Variants in APBB1IP observed in about 807,000 individuals in gnomAD.
APBB1IP encodes the protein amyloid beta precursor protein binding family B member 1 interacting protein.
A neutral mutation model predicts 64.9 loss-of-function variants in APBB1IP; 27 were observed. That is an observed-to-expected ratio of 0.42 (90% CI 0.31 to 0.57). The LOEUF is 0.57. APBB1IP is among the 20% of genes least tolerant of loss of function. The pLI is 0.20. For synonymous variants in APBB1IP, 392 were observed against 331.0 expected, an observed-to-expected ratio of 1.18 and a Z score of -2.00; for missense variants, 812 against 845.5, an observed-to-expected ratio of 0.96 and a Z score of 0.49.
Position 26,517,469 on chromosome 10 carries a change from C to CGCTCTGTTGCCCAGCCAGATCTT in APBB1IP, c.813+3812_813+3834dup, listed in dbSNP as rs1836346619. ...CTTCTTTCTTTTTGAGACAGGGTCT[C>CGCTCTGTTGCCCAGCCAGATCTT]GCTCTGTTGCCCAGCCAGATCTTGC... On this transcript the variant is annotated intron_variant, in intron 8 of 14. Coordinates refer to ENST00000376236, the MANE Select transcript of APBB1IP (RefSeq NM_019043.4). 4.6e-5 allele frequency among the ~76,000 whole-genome samples: 7 copies of CGCTCTGTTGCCCAGCCAGATCTT among 152,350 alleles called. No individual in the cohort carries two copies. In the South Asian group the frequency reaches 1.5e-3, roughly 32 times the overall value.
chr10:26,555,445 G>A (rs560250911), intron 11 of APBB1IP, among the ~76,000 whole-genome samples: 1 of 152,064 alleles, frequency 6.6e-6, no homozygotes, highest in East Asian at 1.9e-4. Context: ...CCCTCTCTTG[G>A]CCCATTTTCA....
chr10:26,477,681 G>A (rs940398046), intron 2 of APBB1IP, among the ~76,000 whole-genome samples: 1 of 152,154 alleles, frequency 6.6e-6, no homozygotes, highest in African/African-American at 2.4e-5. Context: ...AAACACAAAG[G>A]CGAATAACAC....
At chr10:26,543,094 G>T (rs1396757833) in intron 11 of APBB1IP, among the ~76,000 whole-genome samples, 1 of 151,272 alleles carries the variant, frequency 6.6e-6, no homozygotes, top group Non-Finnish European at 1.5e-5. Flanking sequence ...AAGAGCCCCA[G>T]AATAATGACT....
rs1023148405 is a variant in APBB1IP at position 26,560,830 on chromosome 10, C to T, written c.1355C>T (p.Ala452Val). The change falls in exon 13 of 15, where the codon GCT becomes GTT. Residue 452 changes from alanine to valine, a missense_variant. By Grantham distance (64) the Ala-to-Val change is moderately conservative. Coordinates refer to ENST00000376236, the MANE Select transcript of APBB1IP (RefSeq NM_019043.4). ...NLGTVNAAAP[A>V]QPSTGPKTGT... is the part of the protein sequence containing the mutation. The stretch of plus-strand genomic sequence containing the variant: ...GGGACAGTCAATGCAGCTGCACCAG[C>T]TCAGCCATCTACAGGTACTAAGTGG... 1 of 1,597,146 alleles carries T rather than the reference C, an allele frequency of 6.3e-7. No homozygotes were observed. Among genetic ancestry groups the T allele is most frequent in the African/African-American group, 1.4e-5 (1 of 73,668 alleles).
At chr10:26,535,997 G>T in intron 9 of APBB1IP, 77 bp from the exon 10 acceptor site, 2 of 1,448,878 alleles carry the variant, frequency 1.4e-6, no homozygotes, top group Non-Finnish European at 1.9e-6. Context: ...AAGCTAATTT[G>T]TAAGTTTTTA....
chr10:26,454,837 C>T (rs185973587), intron 2 of APBB1IP, among the ~76,000 whole-genome samples: 32 of 152,208 alleles, frequency 2.1e-4, no homozygotes, highest in African/African-American at 7.7e-4. Context: ...TATGTACCCA[C>T]CAAAATTAAA....
chr10:26,521,226 A>C (rs1420135820), intron 8 of APBB1IP, among the ~76,000 whole-genome samples: 1 of 152,194 alleles, frequency 6.6e-6, no homozygotes, highest in Non-Finnish European at 1.5e-5. Context: ...TGAGGGTGCA[A>C]GACCATCATT....
At chr10:26,517,235 G>A (rs1175284109) in intron 8 of APBB1IP, among the ~76,000 whole-genome samples, 1 of 152,020 alleles carries the variant, frequency 6.6e-6, no homozygotes, top group Non-Finnish European at 1.5e-5. Flanking sequence ...TATCATAATG[G>A]TACACTCTGA....
At chr10:26,533,390 A>G (rs1836578291) in intron 8 of APBB1IP, 49 bp from the exon 9 acceptor site, 1 of 1,165,576 alleles carries the variant, frequency 8.6e-7, no homozygotes, top group East Asian at 2.5e-5. Flanking sequence ...TGCAGAGTCT[A>G]GTACGGTAAT....
At chr10:26,554,594 T>C (rs1200145058) in intron 11 of APBB1IP, among the ~76,000 whole-genome samples, 20 of 152,148 alleles carry the variant, frequency 1.3e-4, no homozygotes, top group Non-Finnish European at 1.8e-4. Context: ...GTGTTTTTTG[T>C]TTTCTTGAGA....
intron 11 of APBB1IP, among the ~76,000 whole-genome samples, chr10:26,551,927 GTGGATGGA>G (rs59758757): frequency 0.046 from 6,833 of 150,052 alleles, 147 homozygotes; most frequent in South Asian, 0.078. Flanking sequence ...AGATGGGTGG[GTGGATGGA>G]TGGATGGATG....
chr10:26,472,918 CAG>C (rs1013805846), intron 2 of APBB1IP, among the ~76,000 whole-genome samples: 6 of 145,690 alleles, frequency 4.1e-5, no homozygotes, highest in East Asian at 2.0e-4. Flanking sequence ...GCCTGGGCGA[CAG>C]GGGGAGACTT....
chr10:26,527,785 C>T (rs967672307), intron 8 of APBB1IP, among the ~76,000 whole-genome samples: 2 of 150,564 alleles, frequency 1.3e-5, no homozygotes, highest in African/African-American at 2.5e-5. Context: ...CTCTGCCTCC[C>T]GGGTTCAAGC....
intron 2 of APBB1IP, among the ~76,000 whole-genome samples, chr10:26,451,956 G>T (rs967562305): frequency 6.6e-6 from 1 of 152,078 alleles, no homozygotes; most frequent in Non-Finnish European, 1.5e-5. Context: ...TCAAAACAAG[G>T]CATTTATCTG....
At position 26,510,732 on chromosome 10, in the gene APBB1IP, TCTCACA is replaced by T. The variant is rs1392465830; in HGVS notation, c.532-1013_532-1008del. Among the ~76,000 whole-genome samples, 228 of 109,364 alleles carry T rather than the reference TCTCACA, an allele frequency of 2.1e-3. 1 individual carries two copies. The highest frequency in any genetic ancestry group is 7.2e-3 in the African/African-American group (220 of 30,414). 71.7% of individuals were successfully genotyped at this position (109,364 alleles called of 152,430 possible). On this transcript the variant is annotated intron_variant, in intron 6 of 14. Coordinates refer to ENST00000376236, the MANE Select transcript of APBB1IP (RefSeq NM_019043.4). Reference sequence around the variant, plus strand: ...GCCTAGGCAACAGAGCAAGACCCTGTCTCACACACACACACACACACACACACACAC... The same window carrying T: ...GCCTAGGCAACAGAGCAAGACCCTGTCACACACACACACACACACACACAC...
chr10:26,546,451 T>A (rs1836766350), intron 11 of APBB1IP, among the ~76,000 whole-genome samples: 1 of 152,238 alleles, frequency 6.6e-6, no homozygotes, highest in Admixed American at 6.5e-5. Context: ...TAACCCATAG[T>A]AATTGTACAT....
At chr10:26,458,136 T>C (rs4749148) in intron 2 of APBB1IP, among the ~76,000 whole-genome samples, 60,765 of 152,040 alleles carry the variant, frequency 0.4, 12,281 homozygotes, top group South Asian at 0.5. Flanking sequence ...GCCTGTAATC[T>C]CCGCACTTTG....
intron 2 of APBB1IP, among the ~76,000 whole-genome samples, chr10:26,448,396 G>A (rs1390296748): frequency 1.3e-5 from 2 of 152,132 alleles, no homozygotes; most frequent in African/African-American, 2.4e-5. Context: ...TGCAAATCCA[G>A]TGTGTTTTCA....
chr10:26,448,843 T>C (rs1835429637), intron 2 of APBB1IP, among the ~76,000 whole-genome samples: 1 of 152,194 alleles, frequency 6.6e-6, no homozygotes. Context: ...CGAAGCAGGA[T>C]GCCCTCAACC....
Sources: allele counts gnomAD v4.1 joint callset (sites outside exome capture counted in the v4.1 genomes callset), GRCh38; gene constraint gnomAD v4.1.1; transcripts MANE v1.5; gene names NCBI Gene and HGNC (gene_info 2026-07-23, HGNC 2026-07-21).